The following TANK variants were observed in gnomAD, a reference collection of about 807,000 sequenced individuals.
TANK encodes the protein TRAF family member-associated NF-kappa-B activator.
TANK carries 15 observed loss-of-function variants against 43.6 expected under a neutral mutation model. That is an observed-to-expected ratio of 0.34 (90% CI 0.23 to 0.53). TANK has a LOEUF of 0.53. TANK is among the 20% of genes least tolerant of loss of function. The pLI is 0.94. For synonymous variants in TANK, 162 were observed against 178.2 expected (o/e 0.91, Z 0.73); for missense variants, 417 against 498.6 (o/e 0.84, Z 1.56).
At chr2:161,146,845 T>C (rs1316842530) in intron 1 of TANK, among the ~76,000 whole-genome samples, 2 of 152,052 alleles carry the variant, frequency 1.3e-5, no homozygotes, top group African/African-American at 2.4e-5. Context: ...ACTTTGACTA[T>C]CCCTTGGTGG....
At chr2:161,197,585 A>G in intron 2 of TANK, 1 of 156,346 alleles carries the variant, frequency 6.4e-6, no homozygotes, top group Non-Finnish European at 1.4e-5. Flanking sequence ...GAGAAGTCCA[A>G]GATCGAGGCT....
At chr2:161,204,651 G>A (rs1328584216) in intron 3 of TANK, 24 bp from the exon 4 acceptor site, 1 of 1,594,690 alleles carries the variant, frequency 6.3e-7, no homozygotes, top group Admixed American at 1.8e-5. Context: ...TTCTGCTAAT[G>A]TCCAAGAGGT....
intron 2 of TANK, among the ~76,000 whole-genome samples, chr2:161,183,860 CAAAT>C (rs1361208977): frequency 6.6e-6 from 1 of 150,928 alleles, no homozygotes; most frequent in Non-Finnish European, 1.5e-5. Context: ...TTAAAAAGTT[CAAAT>C]AAATCATAAA....
chr2:161,212,286 C>T (rs538856807), intron 4 of TANK: 270 of 732,424 alleles, frequency 3.7e-4, no homozygotes, highest in Non-Finnish European at 4.4e-4. Context: ...GTCTCAAATG[C>T]CTGACCTGAA....
At chr2:161,189,896 G>A (rs2105318195) in intron 2 of TANK, among the ~76,000 whole-genome samples, 1 of 152,192 alleles carries the variant, frequency 6.6e-6, no homozygotes, top group South Asian at 2.1e-4. Context: ...AGAAATCTTA[G>A]GGGGAAAGGT....
intron 6 of TANK, among the ~76,000 whole-genome samples, chr2:161,227,959 A>G (rs1378201944): frequency 1.3e-5 from 2 of 152,204 alleles, no homozygotes; most frequent in Non-Finnish European, 2.9e-5. Flanking sequence ...ACTCCTAGTC[A>G]TAGAGTATCT....
intron 4 of TANK, among the ~76,000 whole-genome samples, chr2:161,209,785 G>A (rs137932715): frequency 4.6e-5 from 7 of 152,264 alleles, no homozygotes; most frequent in African/African-American, 4.8e-5. Context: ...AATTCATGAT[G>A]TATACTTAAC....
intron 4 of TANK, among the ~76,000 whole-genome samples, chr2:161,220,122 T>G (rs1277225474): frequency 6.6e-6 from 1 of 152,230 alleles, no homozygotes; most frequent in Non-Finnish European, 1.5e-5. Context: ...AATATTCCTT[T>G]GCATGCAAGG....
At chr2:161,168,758 C>T (rs539125663) in intron 1 of TANK, among the ~76,000 whole-genome samples, 12 of 152,160 alleles carry the variant, frequency 7.9e-5, no homozygotes, top group South Asian at 6.2e-4. Context: ...GCTTGAATCC[C>T]GGAGGTGGAG....
upstream of TANK, among the ~76,000 whole-genome samples, chr2:161,157,401 C>T (rs1684255872): frequency 6.6e-6 from 1 of 152,152 alleles, no homozygotes; most frequent in African/African-American, 2.4e-5. Context: ...TACACAGTGG[C>T]CCTGGTTGTC....
chr2:161,193,780 C>A (rs532923124), intron 2 of TANK, among the ~76,000 whole-genome samples: 1 of 152,292 alleles, frequency 6.6e-6, no homozygotes, highest in East Asian at 1.9e-4. Flanking sequence ...CAGATGATTT[C>A]TGTTCACACC....
intron 2 of TANK, among the ~76,000 whole-genome samples, chr2:161,196,772 C>T (rs1021532945): frequency 3.3e-5 from 5 of 152,088 alleles, no homozygotes; most frequent in African/African-American, 1.2e-4. Context: ...AGGAGAATCA[C>T]TTGAACCTGG....
intron 1 of TANK, among the ~76,000 whole-genome samples, chr2:161,178,461 A>C (rs1685267755): frequency 6.6e-6 from 1 of 151,728 alleles, no homozygotes; most frequent in Non-Finnish European, 1.5e-5. Flanking sequence ...AAATTCGTAG[A>C]GACAAAAAAA....
intron 6 of TANK, 42 bp downstream of exon 6, chr2:161,224,788 T>C (rs754978864): frequency 1.8e-5 from 21 of 1,177,900 alleles, no homozygotes; most frequent in Middle Eastern, 2.1e-4. Flanking sequence ...ATTTGCTTGA[T>C]TGAAATTGAT....
At chr2:161,187,341 A>G (rs1348770452) in intron 2 of TANK, among the ~76,000 whole-genome samples, 3 of 152,134 alleles carry the variant, frequency 2.0e-5, no homozygotes, top group Non-Finnish European at 4.4e-5. Flanking sequence ...AGGCAGGTGG[A>G]TTGGTTGAGC....
chr2:161,234,578 T>C (rs1688082201), intron 7 of TANK, among the ~76,000 whole-genome samples: 3 of 152,186 alleles, frequency 2.0e-5, no homozygotes, highest in South Asian at 2.1e-4. Flanking sequence ...CTGGTTATAG[T>C]GGAGGTGGTT....
intron 1 of TANK, among the ~76,000 whole-genome samples, chr2:161,147,276 T>C (rs1683939599): frequency 6.6e-6 from 1 of 152,186 alleles, no homozygotes; most frequent in African/African-American, 2.4e-5. Flanking sequence ...AGTCCCAGTG[T>C]TGGCTACCAT....
intron 2 of TANK, 104 bp from the exon 3 acceptor site, chr2:161,203,383 A>T (rs941838862): frequency 9.8e-6 from 7 of 710,844 alleles, no homozygotes; most frequent in Middle Eastern, 5.0e-4. Flanking sequence ...TACCTGCAAA[A>T]TGACAATGTG....
chr2:161,224,005 C>CT lies in TANK; in HGVS notation c.404+20dup. 2.0e-6 allele frequency: 3 copies of CT among 1,534,654 alleles called. No individual in the cohort carries two copies. The highest frequency in any genetic ancestry group is 1.8e-6 in the Non-Finnish European group (2 of 1,126,472). On this transcript the variant is annotated intron_variant, in intron 5 of 7. Transcript: ENST00000392749. ...GCTCCATGAAAGGTAGTTCTACATC[C>CT]TTTTTTCTCAACTCTTAAAAATTAT...
Sources: gnomAD v4.1 joint callset for allele counts (sites outside exome capture counted in the v4.1 genomes callset) on GRCh38, gnomAD v4.1.1 for gene constraint, MANE v1.5 for transcripts, NCBI Gene and HGNC (gene_info 2026-07-23, HGNC 2026-07-21) for gene names.